SMYD3: variants seen among roughly 807,000 people sequenced by gnomAD.
The protein encoded by SMYD3 is histone-lysine N-methyltransferase SMYD3.
In SMYD3, 36 loss-of-function variants were observed where a neutral mutation model predicts 57.7. That is an observed-to-expected ratio of 0.62 (90% CI 0.48 to 0.82). The LOEUF (loss-of-function observed/expected upper bound fraction) is 0.82, where lower values mean the gene tolerates loss of function less well. Ranked by LOEUF, SMYD3 falls within the 40% of genes least tolerant of loss-of-function variation. SMYD3 has a pLI of 0.00. For synonymous variants in SMYD3, 211 were observed against 195.0 expected (o/e 1.08, Z -0.68); for missense variants, 515 against 538.8 (o/e 0.96, Z 0.44).
At chr1:245,955,929 C>T in intron 5 of SMYD3, 1 of 981,696 alleles carries the variant, frequency 1.0e-6, no homozygotes, top group Non-Finnish European at 1.2e-6. Context: ...TATGTTGATG[C>T]ATGTTGCTAT....
At chr1:246,333,057 A>T (rs1027207346) in intron 3 of SMYD3, among the ~76,000 whole-genome samples, 1 of 152,206 alleles carries the variant, frequency 6.6e-6, no homozygotes, top group African/African-American at 2.4e-5. Flanking sequence ...GGACTAATGC[A>T]GCTGGTGACT....
intron 1 of SMYD3, among the ~76,000 whole-genome samples, chr1:246,429,552 A>G (rs772252988): frequency 2.0e-5 from 3 of 152,226 alleles, no homozygotes; most frequent in Non-Finnish European, 4.4e-5. Flanking sequence ...ATATATCTAC[A>G]TAAGTCTAGG....
At chr1:246,044,624 T>C (rs2059932021) in intron 5 of SMYD3, among the ~76,000 whole-genome samples, 2 of 152,152 alleles carry the variant, frequency 1.3e-5, no homozygotes, top group Admixed American at 1.3e-4. Flanking sequence ...GTTAGCAATT[T>C]TACCAGAACT....
chr1:245,766,752 T>C (rs1433103489), intron 10 of SMYD3, among the ~76,000 whole-genome samples: 1 of 152,198 alleles, frequency 6.6e-6, no homozygotes, highest in African/African-American at 2.4e-5. Context: ...ACTAAGTAGA[T>C]GTCTGTCATG....
intron 10 of SMYD3, among the ~76,000 whole-genome samples, chr1:245,798,040 G>C (rs2047628211): frequency 6.6e-6 from 1 of 152,128 alleles, no homozygotes; most frequent in African/African-American, 2.4e-5. Context: ...TCAACGTCCA[G>C]TGTGTCCCAA....
At chr1:246,506,996 CCT>C (rs150603688) in intron 1 of SMYD3, 56 bp downstream of exon 1, 353,792 of 804,114 alleles carry the variant, frequency 0.44, 54,547 homozygotes, top group Admixed American at 0.47. Context: ...GACGCCCCCC[CCT>C]CCCCAGCACC....
chr1:245,952,143 G>C (rs1333004137), intron 5 of SMYD3, among the ~76,000 whole-genome samples: 1 of 152,182 alleles, frequency 6.6e-6, no homozygotes, highest in African/African-American at 2.4e-5. Context: ...TGTAAATAAA[G>C]ATGAGTATCT....
At chr1:246,487,184 A>T (rs561557241) in intron 1 of SMYD3, among the ~76,000 whole-genome samples, 1 of 129,904 alleles carries the variant, frequency 7.7e-6, no homozygotes, top group South Asian at 2.8e-4. Context: ...ATGGTAGCTC[A>T]CGCCTGTAAT....
At chr1:246,074,913 T>TACACACACACACACAC (rs60103366) in intron 5 of SMYD3, among the ~76,000 whole-genome samples, 31 of 148,472 alleles carry the variant, frequency 2.1e-4, no homozygotes, top group East Asian at 1.4e-3. Context: ...GCTAAAGCAA[T>TACACACACACACACAC]ACACACACAC....
At chr1:246,323,419 G>A (rs968092873) in intron 5 of SMYD3, among the ~76,000 whole-genome samples, 2 of 152,128 alleles carry the variant, frequency 1.3e-5, no homozygotes, top group South Asian at 2.1e-4. Context: ...GCAGATGCAC[G>A]TTCAGCATTG....
At chr1:246,413,195 C>T (rs956842943) in intron 1 of SMYD3, among the ~76,000 whole-genome samples, 12 of 152,140 alleles carry the variant, frequency 7.9e-5, no homozygotes, top group Non-Finnish European at 1.6e-4. Context: ...AACCCTATGA[C>T]GTAGGTACCA....
At chr1:246,441,759 A>G (rs1191081586) in intron 1 of SMYD3, among the ~76,000 whole-genome samples, 1 of 152,156 alleles carries the variant, frequency 6.6e-6, no homozygotes, top group Admixed American at 6.5e-5. Context: ...CCACAGGCAC[A>G]TGCCAGCATG....
chr1:245,923,261 C>T (rs566862089), intron 7 of SMYD3, among the ~76,000 whole-genome samples: 1 of 142,390 alleles, frequency 7.0e-6, no homozygotes, highest in African/African-American at 2.6e-5. Flanking sequence ...ATAGTACATA[C>T]AATAAAAAAC....
At chr1:245,872,148 A>C (rs1486423886) in intron 8 of SMYD3, among the ~76,000 whole-genome samples, 2 of 152,246 alleles carry the variant, frequency 1.3e-5, no homozygotes, top group African/African-American at 4.8e-5. Flanking sequence ...ACTGTGATGC[A>C]GATGAAAAGC....
intron 5 of SMYD3, among the ~76,000 whole-genome samples, chr1:246,113,516 T>C (rs919843944): frequency 2.0e-5 from 3 of 152,190 alleles, no homozygotes; most frequent in African/African-American, 7.2e-5. Context: ...AGAACTTCAT[T>C]TTCACCAAGT....
At chr1:246,055,185 CA>C (rs58242739) in intron 5 of SMYD3, among the ~76,000 whole-genome samples, 33,242 of 142,350 alleles carry the variant, frequency 0.23, 5,144 homozygotes, top group African/African-American at 0.46. Flanking sequence ...CAGAAAAAAA[CA>C]AAAAAAAAAA....
At chr1:246,444,715 G>T (rs138120755) in intron 1 of SMYD3, among the ~76,000 whole-genome samples, 258 of 152,160 alleles carry the variant, frequency 1.7e-3, no homozygotes, top group African/African-American at 6.1e-3. Context: ...CATGAATCCC[G>T]AAGTGTATAT....
At chr1:245,987,808 G>A (rs2058732393) in intron 5 of SMYD3, among the ~76,000 whole-genome samples, 1 of 152,144 alleles carries the variant, frequency 6.6e-6, no homozygotes, top group Non-Finnish European at 1.5e-5. Context: ...AAACATCTGA[G>A]GGTTTGTAAC....
intron 10 of SMYD3, among the ~76,000 whole-genome samples, chr1:245,839,535 C>T (rs1055492655): frequency 2.0e-5 from 3 of 151,532 alleles, no homozygotes; most frequent in Non-Finnish European, 4.4e-5. Context: ...GAGGCGGGGG[C>T]GACAGTAAGA....
Sources: gnomAD v4.1 joint callset for allele counts (sites outside exome capture counted in the v4.1 genomes callset) on GRCh38, gnomAD v4.1.1 for gene constraint, MANE v1.5 for transcripts, NCBI Gene and HGNC (gene_info 2026-07-23, HGNC 2026-07-21) for gene names.